Variants in MCAT observed in about 807,000 individuals in gnomAD.
MCAT encodes malonyl-CoA-acyl carrier protein transacylase.
In MCAT, 22 loss-of-function variants were observed where a neutral mutation model predicts 22.9. The ratio of observed to expected loss-of-function variants is 0.96; its 90% CI spans 0.69 to 1.37. The LOEUF (loss-of-function observed/expected upper bound fraction) is 1.37, where lower values mean the gene tolerates loss of function less well. MCAT is among the 40% of genes most tolerant of loss of function. The pLI is 0.00. For missense variants in MCAT, 534 were observed against 533.6 expected (o/e 1.00, Z -0.01); for synonymous variants, 240 against 233.9 (o/e 1.03, Z -0.24).
At position 43,141,197 on chromosome 22, in the gene MCAT, G is replaced by A. The variant is rs1301951097; in HGVS notation, c.476C>T (p.Ala159Val). 1.2e-6 allele frequency: 2 copies of A among 1,614,084 alleles called. No individual in the cohort carries two copies. Among genetic ancestry groups the A allele is most frequent in the Non-Finnish European group, 1.7e-6 (2 of 1,180,022 alleles). The change falls in exon 2 of 4, where the codon GCC becomes GTC. Residue 159 changes from alanine to valine, a missense_variant. Ala to Val is a moderately conservative substitution (Grantham distance 64). Coordinates refer to ENST00000290429, the MANE Select transcript of MCAT (RefSeq NM_173467.5). ...AAGFSVGEFA[A>V]LVFAGAMEFA... is the part of the protein sequence containing the mutation. ...TTCCATGGCTCCGGCAAACACTAGG[G>A]CTGCAAACTCTCCCACACTGAATCC...
At position 43,134,129 on chromosome 22, in the gene MCAT, A is replaced by G. The variant is rs185730446; in HGVS notation, c.730-643T>C. On this transcript the variant is annotated intron_variant, in intron 3 of 3. Transcript: ENST00000290429. ...CCAGTCTGTTTGCTTTTTATTCCAT[A>G]ATCTTCAAAATAAAAATTCAGAACT... 1.3e-3 allele frequency among the ~76,000 whole-genome samples: 192 copies of G among 152,302 alleles called. 1 individual carries two copies. The highest frequency in any genetic ancestry group is 6.8e-3 in the Middle Eastern group (2 of 294).
chr22:43,132,923 C>T lies in MCAT; in HGVS notation c.*120G>A. On this transcript the variant is annotated 3_prime_UTR_variant, in exon 4 of 4. Coordinates refer to ENST00000290429, the MANE Select transcript of MCAT (RefSeq NM_173467.5). ...TTTATGTGGCCTTCAAAGCACGTTGCAAACAAATCCCTTTCACTCCTCAGA... is the reference window on the plus strand; with the variant it reads ...TTTATGTGGCCTTCAAAGCACGTTGTAAACAAATCCCTTTCACTCCTCAGA... The T allele has an allele frequency of 1.1e-6, 1 of 910,854 alleles. No homozygotes were observed. The highest frequency in any genetic ancestry group is 1.7e-6 in the Non-Finnish European group (1 of 595,296). The allele number at this position is 910,854 out of a possible 1,614,324, so 56.4% of individuals were successfully genotyped here.
chr22:43,138,435 G>A (rs895556946), intron 2 of MCAT, among the ~76,000 whole-genome samples: 11 of 152,156 alleles, frequency 7.2e-5, no homozygotes, highest in Non-Finnish European at 1.5e-4. Flanking sequence ...CAGTGCCAAT[G>A]ATAATAAGAG....
chr22:43,141,127 C>T, intron 2 of MCAT, 35 bp downstream of exon 2: 1 of 1,589,018 alleles, frequency 6.3e-7, no homozygotes, highest in Non-Finnish European at 8.6e-7. Flanking sequence ...AGCCCAAGAC[C>T]ACAGCCTTGC....
At chr22:43,140,473 ACT>A (rs536371102) in intron 2 of MCAT, among the ~76,000 whole-genome samples, 9 of 151,864 alleles carry the variant, frequency 5.9e-5, no homozygotes, top group Non-Finnish European at 1.3e-4. Context: ...CCTCCCAAGT[ACT>A]CGAGCTGGGA....
chr22:43,140,444 G>C (rs894901466), intron 2 of MCAT, among the ~76,000 whole-genome samples: 4 of 152,128 alleles, frequency 2.6e-5, no homozygotes, highest in Non-Finnish European at 4.4e-5. Context: ...CCTGGGTTCA[G>C]GTAATCCTCC....
At chr22:43,137,024 C>T (rs1930631644) in intron 3 of MCAT, 57 bp downstream of exon 3, 36 of 1,445,928 alleles carry the variant, frequency 2.5e-5, no homozygotes, top group Non-Finnish European at 3.2e-5. Flanking sequence ...GGGTGTGGAG[C>T]AGTTCCAACC....
At position 43,133,532 on chromosome 22, in the gene MCAT, G is replaced by A. The variant is rs375213458; in HGVS notation, c.730-46C>T. ...CAGCCGAGCAATGTCCCAGAAATCC[G>A]CCTTTACAGATCTGACCATTCACAG... On this transcript the variant is annotated intron_variant, in intron 3 of 3. Coordinates refer to ENST00000290429, the MANE Select transcript of MCAT (RefSeq NM_173467.5). The A allele has an allele frequency of 3.3e-5, 49 of 1,485,986 alleles. No individual in the cohort carries two copies. In the African/African-American group the frequency reaches 3.6e-4, roughly 11 times the overall value. 92.1% of individuals were successfully genotyped at this position (1,485,986 alleles called of 1,614,324 possible). A position where few individuals can be genotyped will look rare whatever the true frequency, so the allele number is the denominator to read the frequency against.
chr22:43,132,991 C>T lies in MCAT; in HGVS notation c.*52G>A. On this transcript the variant is annotated 3_prime_UTR_variant, in exon 4 of 4. Transcript: ENST00000290429. ...GGTAGGGGGCGACAGGCACAGCCTA[C>T]AGCCTCTCCTCAGGAGGACAGAGGG... 2 of 1,549,454 alleles carry T rather than the reference C, an allele frequency of 1.3e-6. No homozygotes were observed. The highest frequency in any genetic ancestry group is 1.8e-6 in the Non-Finnish European group (2 of 1,133,120).
chr22:43,135,279 G>A (rs907794823), intron 3 of MCAT, among the ~76,000 whole-genome samples: 6 of 152,208 alleles, frequency 3.9e-5, no homozygotes, highest in South Asian at 2.1e-4. Flanking sequence ...GAGGTGGGCA[G>A]ATCACCTGAG....
intron 2 of MCAT, among the ~76,000 whole-genome samples, chr22:43,140,273 G>A (rs768520743): frequency 1.6e-4 from 24 of 152,172 alleles, no homozygotes; most frequent in Non-Finnish European, 2.8e-4. Context: ...AGACTCAGGG[G>A]CTCAAGTGAT....
In MCAT at chr22:43,142,959, G is replaced by C. The variant is rs371736315; in HGVS notation, c.390C>G (p.Ala130=). 3.2e-5 allele frequency: 51 copies of C among 1,593,486 alleles called. No homozygotes were observed. The African/African-American group carries it at 5.7e-4, about 18-fold the overall frequency. The change falls in exon 1 of 4, where the codon GCC becomes GCG. Residue 130 remains alanine, a synonymous_variant. Coordinates refer to ENST00000290429, the MANE Select transcript of MCAT (RefSeq NM_173467.5). The part of the protein sequence containing the change: ...CQPAIFVASL[A]AVEKLHHLQP... Reference sequence around the variant, plus strand: ...GCAGGTGATGTAGTTTCTCGACAGCGGCCAGCGATGCCACGAAGATCGCGG... The same window carrying C: ...GCAGGTGATGTAGTTTCTCGACAGCCGCCAGCGATGCCACGAAGATCGCGG...
chr22:43,133,033 C>T lies in MCAT; in HGVS notation c.*10G>A, dbSNP rs375002311. On this transcript the variant is annotated 3_prime_UTR_variant, in exon 4 of 4. Coordinates refer to ENST00000290429, the MANE Select transcript of MCAT (RefSeq NM_173467.5). ...GACAGAGGGGGTCATCGCATTTGAG[C>T]CCCCTGCAGTCATCTCGGGGGCTCC... 1 of 1,608,420 alleles carries T rather than the reference C, an allele frequency of 6.2e-7. No individual in the cohort carries two copies. The highest frequency in any genetic ancestry group is 1.7e-5 in the Admixed American group (1 of 59,382).
rs746156717 is a variant in MCAT at position 43,133,273 on chromosome 22, G to A, written c.943C>T (p.Leu315=). 1 of 1,614,218 alleles carries A rather than the reference G, an allele frequency of 6.2e-7. No individual in the cohort carries two copies. The highest frequency in any genetic ancestry group is 8.5e-7 in the Non-Finnish European group (1 of 1,180,042). The change falls in exon 4 of 4, where the codon CTG becomes TTG. Residue 315 remains leucine, a synonymous_variant. Transcript: ENST00000290429. ...GGGGAGACCAGCTGCTGGGCCAGCA[G>A]CTTGTGGATGTGCCCGGGATGCCTG... is the stretch of plus-strand genomic sequence containing the variant. ...RYRHPGHIHK[L]LAQQLVSPVK... is the part of the protein sequence containing the mutation.
At chr22:43,133,770 C>T (rs987471281) in intron 3 of MCAT, among the ~76,000 whole-genome samples, 7 of 152,072 alleles carry the variant, frequency 4.6e-5, no homozygotes, top group African/African-American at 9.7e-5. Flanking sequence ...TAGAGGAAAA[C>T]GCACTATCTA....
intron 3 of MCAT, 95 bp downstream of exon 3, chr22:43,136,986 C>G: frequency 9.2e-7 from 1 of 1,082,596 alleles, no homozygotes; most frequent in Non-Finnish European, 1.4e-6. Flanking sequence ...GGGCTGGACC[C>G]AGCACCCGCC....
chr22:43,132,748 G>A lies in MCAT; in HGVS notation c.*295C>T, dbSNP rs938490523. ...CCCTTCCCGCTGAGATGGCACACCT[G>A]CCTATGGTGCAGGGCTGGCAGAGGC... is the stretch of plus-strand genomic sequence containing the variant. On this transcript the variant is annotated 3_prime_UTR_variant, in exon 4 of 4. Transcript: ENST00000290429. The A allele has an allele frequency of 1.5e-5, 6 of 404,708 alleles. No individual in the cohort carries two copies. Among genetic ancestry groups the A allele is most frequent in the South Asian group, 2.9e-5 (1 of 34,370 alleles). 25.1% of individuals were successfully genotyped at this position (404,708 alleles called of 1,614,324 possible).
intron 1 of MCAT, among the ~76,000 whole-genome samples, chr22:43,142,534 C>G (rs1054439776): frequency 1.3e-5 from 2 of 151,816 alleles, no homozygotes; most frequent in African/African-American, 2.4e-5. Flanking sequence ...TGCCTGTAAT[C>G]CCAGCACTTT....
intron 2 of MCAT, among the ~76,000 whole-genome samples, chr22:43,139,489 G>A (rs1255096489): frequency 1.3e-5 from 2 of 152,014 alleles, no homozygotes; most frequent in African/African-American, 4.8e-5. Flanking sequence ...CTGCACCACT[G>A]CACTGCAGCT....
Sources: gnomAD v4.1 joint callset for allele counts (sites outside exome capture counted in the v4.1 genomes callset) on GRCh38, gnomAD v4.1.1 for gene constraint, MANE v1.5 for transcripts, NCBI Gene and HGNC (gene_info 2026-07-23, HGNC 2026-07-21) for gene names.